Variants in UBXN2A observed in about 807,000 individuals in gnomAD.
The protein encoded by UBXN2A is UBX domain protein 2A.
In UBXN2A, 28 loss-of-function variants were observed where a neutral mutation model predicts 28.4. The ratio of observed to expected loss-of-function variants is 0.99; its 90% CI spans 0.73 to 1.35. The LOEUF is 1.35. Among genes scored for constraint, UBXN2A ranks in the 40% most tolerant of loss-of-function variants. The pLI is 0.00. For synonymous variants in UBXN2A, 97 were observed against 103.6 expected, an observed-to-expected ratio of 0.94 and a Z score of 0.39; for missense variants, 253 against 297.9, an observed-to-expected ratio of 0.85 and a Z score of 1.11.
At chr2:23,989,540 A>C (rs546137085) in intron 6 of UBXN2A, among the ~76,000 whole-genome samples, 1 of 151,452 alleles carries the variant, frequency 6.6e-6, no homozygotes, top group South Asian at 2.1e-4. Context: ...GGCATGAGCC[A>C]CCACACCCGG....
upstream of UBXN2A, among the ~76,000 whole-genome samples, chr2:23,937,808 C>T (rs113131579): frequency 5.3e-5 from 8 of 152,106 alleles, no homozygotes; most frequent in African/African-American, 1.4e-4. Context: ...AGAAATGTGT[C>T]GTGTAAGTGA....
chr2:23,956,078 G>A (rs1368219065), intron 1 of UBXN2A, among the ~76,000 whole-genome samples: 2 of 151,886 alleles, frequency 1.3e-5, no homozygotes, highest in African/African-American at 4.8e-5. Flanking sequence ...TGGACAGGCT[G>A]GTCTCGAACT....
intron 1 of UBXN2A, among the ~76,000 whole-genome samples, chr2:23,929,623 T>G (rs1199175902): frequency 1.3e-5 from 2 of 151,450 alleles, no homozygotes; most frequent in African/African-American, 4.8e-5. Flanking sequence ...TGAGGCAGGA[T>G]AATCGCTTGA....
chr2:24,000,548 A>C lies in UBXN2A; in HGVS notation c.*681A>C, dbSNP rs993976205. ...AGAGCAAGACCCCCTCTCAAAAATA[A>C]ATAAAATAAAGTAAAATAAATATAA... On this transcript the variant is annotated 3_prime_UTR_variant, in exon 7 of 7. Coordinates refer to ENST00000309033, the MANE Select transcript of UBXN2A (RefSeq NM_181713.4). 16 of 152,078 alleles carry C rather than the reference A, an allele frequency of 1.1e-4. No individual in the cohort carries two copies. Among genetic ancestry groups the C allele is most frequent in the African/African-American group, 3.1e-4 (13 of 41,382 alleles). The allele number at this position is 152,078 out of a possible 1,614,324, so 9.4% of individuals were successfully genotyped here.
chr2:23,988,904 A>G (rs1402247070), intron 6 of UBXN2A, among the ~76,000 whole-genome samples: 2 of 152,152 alleles, frequency 1.3e-5, no homozygotes, highest in African/African-American at 4.8e-5. Flanking sequence ...TTATTTTGAA[A>G]TGGTCCCATA....
chr2:23,960,994 A>G (rs992433012), intron 2 of UBXN2A, among the ~76,000 whole-genome samples: 4 of 151,874 alleles, frequency 2.6e-5, no homozygotes, highest in African/African-American at 9.7e-5. Flanking sequence ...ATGCAGTTAT[A>G]CAATATGTGG....
intron 3 of UBXN2A, among the ~76,000 whole-genome samples, chr2:23,972,486 A>G (rs1707459882): frequency 6.6e-6 from 1 of 152,190 alleles, no homozygotes; most frequent in South Asian, 2.1e-4. Context: ...GGAAAAAAAA[A>G]CTAATTTTAA....
chr2:23,976,462 C>T (rs1455007623), intron 3 of UBXN2A, among the ~76,000 whole-genome samples: 2 of 152,118 alleles, frequency 1.3e-5, no homozygotes, highest in Non-Finnish European at 2.9e-5. Context: ...AAGACATACC[C>T]GAGACTGGGA....
intron 1 of UBXN2A, among the ~76,000 whole-genome samples, chr2:23,957,710 C>T (rs1218638144): frequency 6.6e-5 from 10 of 152,058 alleles, no homozygotes; most frequent in East Asian, 3.9e-4. Flanking sequence ...GGCGCACGTC[C>T]GTAATCCCAG....
chr2:23,945,861 T>G (rs1206810395), intron 1 of UBXN2A, among the ~76,000 whole-genome samples: 1 of 151,666 alleles, frequency 6.6e-6, no homozygotes, highest in East Asian at 1.9e-4. Context: ...GGTCTCACTC[T>G]GTCACCCAGG....
At chr2:23,960,737 A>G (rs537455610) in intron 2 of UBXN2A, among the ~76,000 whole-genome samples, 2 of 152,072 alleles carry the variant, frequency 1.3e-5, no homozygotes, top group East Asian at 3.9e-4. Flanking sequence ...GGTTCAAGCA[A>G]TTCCCCTGCC....
intron 6 of UBXN2A, among the ~76,000 whole-genome samples, chr2:23,993,691 A>ATTT (rs537302592): frequency 1.5e-5 from 2 of 134,482 alleles, no homozygotes; most frequent in Non-Finnish European, 3.1e-5. Flanking sequence ...TAATTTTTTA[A>ATTT]TTTTTTTTTT....
At position 24,002,056 on chromosome 2, in the gene UBXN2A, C is replaced by A. The variant is rs577355330; in HGVS notation, c.*2189C>A. ...CTTTGGGAGGCCAAGACAGGTGGAT[C>A]ACTTGAGCCCAGGAGTTTGAGACCA... is the stretch of plus-strand genomic sequence containing the variant. On this transcript the variant is annotated 3_prime_UTR_variant, in exon 7 of 7. Coordinates refer to ENST00000309033, the MANE Select transcript of UBXN2A (RefSeq NM_181713.4). 6.6e-6 allele frequency: 1 copy of A among 152,304 alleles called. No homozygotes were observed. Among genetic ancestry groups the A allele is most frequent in the East Asian group, 1.9e-4 (1 of 5,184 alleles). 9.4% of individuals were successfully genotyped at this position (152,304 alleles called of 1,614,324 possible). A position where few individuals can be genotyped will look rare whatever the true frequency, so the allele number is the denominator to read the frequency against.
chr2:23,960,212 C>T (rs1371131206), intron 2 of UBXN2A, among the ~76,000 whole-genome samples: 1 of 151,822 alleles, frequency 6.6e-6, no homozygotes, highest in Non-Finnish European at 1.5e-5. Flanking sequence ...GTCGAGATCG[C>T]GCCACTGCAC....
rs1708723404 is a variant in UBXN2A, at chr2:24,001,480, T to A, written c.*1613T>A. 6.6e-6 allele frequency: 1 copy of A among 152,104 alleles called. No individual in the cohort carries two copies. The highest frequency in any genetic ancestry group is 2.1e-4 in the South Asian group (1 of 4,828). The allele number at this position is 152,104 out of a possible 1,614,324, so 9.4% of individuals were successfully genotyped here. ...AACATTTTTTTTTGCAAATGATCTATTGAATCAGATTTAAAATGAAGCATG... is the reference window on the plus strand; with the variant it reads ...AACATTTTTTTTTGCAAATGATCTAATGAATCAGATTTAAAATGAAGCATG... On this transcript the variant is annotated 3_prime_UTR_variant, in exon 7 of 7. Coordinates refer to ENST00000309033, the MANE Select transcript of UBXN2A (RefSeq NM_181713.4).
intron 3 of UBXN2A, among the ~76,000 whole-genome samples, chr2:23,972,923 C>A (rs966896113): frequency 6.6e-6 from 1 of 152,110 alleles, no homozygotes; most frequent in African/African-American, 2.4e-5. Context: ...TAAAGTATTT[C>A]TACAATATAC....
chr2:23,982,615 C>G (rs1381263751), intron 4 of UBXN2A, among the ~76,000 whole-genome samples: 1 of 152,036 alleles, frequency 6.6e-6, no homozygotes, highest in Non-Finnish European at 1.5e-5. Context: ...GGACAAGACC[C>G]TGTCTCTACA....
chr2:23,983,365 G>A (rs1296429498), intron 5 of UBXN2A, among the ~76,000 whole-genome samples: 4 of 152,046 alleles, frequency 2.6e-5, no homozygotes, highest in Admixed American at 2.6e-4. Flanking sequence ...AAATTAGCCA[G>A]GCGTGGTGGC....
chr2:23,970,283 C>G (rs1401666331), intron 2 of UBXN2A, among the ~76,000 whole-genome samples: 2 of 152,116 alleles, frequency 1.3e-5, no homozygotes, highest in African/African-American at 4.8e-5. Context: ...GACCTTGTCT[C>G]AAGAAAACCT....
Sources: allele counts gnomAD v4.1 joint callset (sites outside exome capture counted in the v4.1 genomes callset), GRCh38; gene constraint gnomAD v4.1.1; transcripts MANE v1.5; gene names NCBI Gene and HGNC (gene_info 2026-07-23, HGNC 2026-07-21).